Variants in DNAH11 observed in about 807,000 individuals in gnomAD.
DNAH11 encodes the protein axonemal beta dynein heavy chain 11.
Under a neutral mutation model 526.0 loss-of-function variants are expected in DNAH11, and 442 were observed. The observed-to-expected ratio is 0.84, with a 90% CI of 0.78 to 0.91. The LOEUF (loss-of-function observed/expected upper bound fraction) is 0.91. Among genes scored for constraint, DNAH11 ranks in the 40% least tolerant of loss-of-function variants. The probability of loss-of-function intolerance (pLI) is 0.00; values close to 1 mark genes in which losing one functional copy is unlikely to be tolerated. For missense variants in DNAH11, 6,989 were observed against 5,448.7 expected (o/e 1.28, Z -8.90); for synonymous variants, 2,461 against 1,935.9 (o/e 1.27, Z -7.12).
intron 65 of DNAH11, among the ~76,000 whole-genome samples, chr7:21,831,498 T>C (rs1371560153): frequency 6.6e-6 from 1 of 152,198 alleles, no homozygotes; most frequent in Non-Finnish European, 1.5e-5. Context: ...TTACTATCCC[T>C]GGGAAATCTA....
chr7:21,891,538 G>A (rs1784325578), intron 76 of DNAH11, among the ~76,000 whole-genome samples: 1 of 152,138 alleles, frequency 6.6e-6, no homozygotes, highest in African/African-American at 2.4e-5. Context: ...AGAGACTCAG[G>A]CTCATAAATT....
At position 21,901,443 on chromosome 7, in the gene DNAH11, C is replaced by T. The variant is rs62445901; in HGVS notation, c.*189C>T. 7 of 707,316 alleles carry T rather than the reference C, an allele frequency of 9.9e-6. No homozygotes were observed. The highest frequency in any genetic ancestry group is 1.4e-5 in the Non-Finnish European group (7 of 504,258). 43.8% of individuals were successfully genotyped at this position (707,316 alleles called of 1,614,324 possible). ...ACTAACTCAGGGCTGAGCGTGGTGG[C>T]ACACGACTGTAATCCCAGTTACTCA... is the stretch of plus-strand genomic sequence containing the variant. On this transcript the variant is annotated 3_prime_UTR_variant, in exon 82 of 82. Transcript: ENST00000409508.
intron 61 of DNAH11, among the ~76,000 whole-genome samples, chr7:21,792,069 T>A (rs1399212261): frequency 1.3e-5 from 2 of 152,136 alleles, no homozygotes; most frequent in African/African-American, 4.8e-5. Context: ...GATGGGCCTT[T>A]TTTGTGTTGA....
At chr7:21,737,080 G>A (rs550950562) in intron 46 of DNAH11, among the ~76,000 whole-genome samples, 1 of 152,314 alleles carries the variant, frequency 6.6e-6, no homozygotes, top group Admixed American at 6.5e-5. Flanking sequence ...GGAATAGAAA[G>A]AGCTGTAGTT....
intron 28 of DNAH11, among the ~76,000 whole-genome samples, chr7:21,653,064 CAG>C (rs1454971566): frequency 6.6e-6 from 1 of 152,054 alleles, no homozygotes; most frequent in African/African-American, 2.4e-5. Context: ...GTAGTAGGAA[CAG>C]AGTTTCACCA....
At chr7:21,833,740 G>T (rs1483796344) in intron 65 of DNAH11, among the ~76,000 whole-genome samples, 3 of 151,888 alleles carry the variant, frequency 2.0e-5, no homozygotes, top group Non-Finnish European at 2.9e-5. Context: ...AAAATCACAG[G>T]ATGCACATAG....
chr7:21,840,445 A>G (rs1352010738), intron 65 of DNAH11, among the ~76,000 whole-genome samples: 2 of 152,204 alleles, frequency 1.3e-5, no homozygotes, highest in Non-Finnish European at 1.5e-5. Context: ...GAAGAATCCA[A>G]AATTTTCATA....
At chr7:21,651,888 C>T (rs1042856900) in intron 28 of DNAH11, among the ~76,000 whole-genome samples, 4 of 152,216 alleles carry the variant, frequency 2.6e-5, no homozygotes, top group African/African-American at 4.8e-5. Context: ...ACAGTCATGT[C>T]ACATCTTTCT....
At chr7:21,831,532 G>A (rs1271810960) in intron 65 of DNAH11, among the ~76,000 whole-genome samples, 2 of 152,122 alleles carry the variant, frequency 1.3e-5, no homozygotes, top group African/African-American at 2.4e-5. Context: ...ATGTTTCAGA[G>A]CAAGATGTAA....
intron 25 of DNAH11, among the ~76,000 whole-genome samples, chr7:21,633,061 C>T (rs995954623): frequency 6.6e-6 from 1 of 152,158 alleles, no homozygotes; most frequent in African/African-American, 2.4e-5. Flanking sequence ...CTGGCGATCT[C>T]CCCTTTTTAA....
intron 55 of DNAH11, among the ~76,000 whole-genome samples, chr7:21,768,050 T>C (rs1243999440): frequency 6.6e-6 from 1 of 152,186 alleles, no homozygotes. Flanking sequence ...TAAATTAATG[T>C]TTGTGCTATT....
At chr7:21,548,750 A>C (rs1583471890) in intron 2 of DNAH11, among the ~76,000 whole-genome samples, 1 of 152,184 alleles carries the variant, frequency 6.6e-6, no homozygotes, top group African/African-American at 2.4e-5. Flanking sequence ...ATACAAGTTG[A>C]GAGTTCTCCT....
intron 57 of DNAH11, among the ~76,000 whole-genome samples, chr7:21,780,847 G>A (rs1051293856): frequency 3.9e-5 from 6 of 152,128 alleles, no homozygotes; most frequent in Admixed American, 2.0e-4. Flanking sequence ...GACTATTAGG[G>A]ATATTTGACA....
intron 36 of DNAH11, 134 bp downstream of exon 36, chr7:21,698,347 G>T: frequency 1.6e-6 from 2 of 1,274,796 alleles, no homozygotes; most frequent in Non-Finnish European, 2.1e-6. Flanking sequence ...AAATTCAATA[G>T]TTTGGGGGAA....
chr7:21,613,139 G>GTACT (rs10526588), intron 20 of DNAH11, among the ~76,000 whole-genome samples: 4,450 of 152,204 alleles, frequency 0.029, 209 homozygotes, highest in African/African-American at 0.1. Context: ...ATATAATGTA[G>GTACT]TACTATGCAG....
rs144965332 is a variant in DNAH11 at position 21,768,541 on chromosome 7, C to T, written c.9102+2952C>T. 1.6e-3 allele frequency among the ~76,000 whole-genome samples: 240 copies of T among 152,284 alleles called. 7 individuals are homozygous for T. In the East Asian group the frequency reaches 0.045, roughly 28 times the overall value. ...AGGTGAAAGAGGTCATCTTTGGGGGCATGTTGACCAACCGATGAGTTAAAA... is the reference window on the plus strand; with the variant it reads ...AGGTGAAAGAGGTCATCTTTGGGGGTATGTTGACCAACCGATGAGTTAAAA... On this transcript the variant is annotated intron_variant, in intron 55 of 81. Transcript: ENST00000409508.
chr7:21,561,026 C>T (rs746409984), intron 4 of DNAH11, 45 bp from the exon 5 acceptor site: 252 of 1,325,242 alleles, frequency 1.9e-4, no homozygotes, highest in Non-Finnish European at 2.5e-4. Context: ...ATTTAGTAAT[C>T]GAGTTTATAT....
chr7:21,856,381 A>C (rs1362474574), intron 68 of DNAH11, among the ~76,000 whole-genome samples: 1 of 152,224 alleles, frequency 6.6e-6, no homozygotes, highest in East Asian at 1.9e-4. Flanking sequence ...AGGTTTCCTA[A>C]CAGTACAGAA....
In DNAH11 at chr7:21,758,588, C is replaced by G. The variant is rs557748896; in HGVS notation, c.8941-6840C>G. ...CAAAAAGTAAAATCACAACGATGTA[C>G]TTGAGAGATAAAGGTTATGTAAGAT... On this transcript the variant is annotated intron_variant, in intron 54 of 81. Coordinates refer to ENST00000409508, the MANE Select transcript of DNAH11 (RefSeq NM_001277115.2). Among the ~76,000 whole-genome samples, 16 of 151,942 alleles carry G rather than the reference C, an allele frequency of 1.1e-4. No individual in the cohort carries two copies. In the South Asian group the frequency reaches 3.3e-3, roughly 32 times the overall value.
Sources: allele counts gnomAD v4.1 joint callset (sites outside exome capture counted in the v4.1 genomes callset), GRCh38; gene constraint gnomAD v4.1.1; transcripts MANE v1.5; gene names NCBI Gene and HGNC (gene_info 2026-07-23, HGNC 2026-07-21).